MTCL2: variants seen among roughly 807,000 people sequenced by gnomAD.
MTCL2 encodes the protein microtubule crosslinking factor 2.
chr20:36,792,137 G>A, the MTCL2 span, among the ~76,000 whole-genome samples: 1 of 152,160 alleles, frequency 6.6e-6, no homozygotes, highest in African/African-American at 2.4e-5. Context: ...GAGGAGCCCC[G>A]ATTTGTAGTG....
the MTCL2 span, among the ~76,000 whole-genome samples, chr20:36,857,091 G>A: frequency 1.3e-5 from 2 of 152,154 alleles, no homozygotes; most frequent in Admixed American, 1.3e-4. Context: ...GCTTGTGCCT[G>A]GGCCAGCCTG....
the MTCL2 span, chr20:36,784,160 C>A: frequency 1.0e-6 from 1 of 985,836 alleles, no homozygotes; most frequent in Non-Finnish European, 1.2e-6. Context: ...TGGCAGAAGG[C>A]CTCTGGTGGC....
At chr20:36,802,882 TCACCTGCTGCTC>T in the MTCL2 span, 2 of 1,577,198 alleles carry the variant, frequency 1.3e-6, no homozygotes, top group Non-Finnish European at 1.7e-6. Context: ...TGCAGCTCCT[TCACCTGCTGCTC>T]CACCTGCTGC....
the MTCL2 span, chr20:36,794,219 T>C: frequency 6.5e-7 from 1 of 1,547,812 alleles, no homozygotes; most frequent in Non-Finnish European, 8.7e-7. The surrounding 1 kb of genome is among the most constrained non-coding windows in gnomAD (Gnocchi z 5.4). Context: ...GGCCGACTCT[T>C]TGGGCTTGGC....
chr20:36,805,209 G>C, the MTCL2 span, among the ~76,000 whole-genome samples: 13 of 152,126 alleles, frequency 8.5e-5, no homozygotes, highest in Non-Finnish European at 2.9e-5. Flanking sequence ...CTGTGCCGTG[G>C]GTCCTTCTCC....
At chr20:36,811,144 A>G in the MTCL2 span, among the ~76,000 whole-genome samples, 3 of 152,180 alleles carry the variant, frequency 2.0e-5, no homozygotes, top group Non-Finnish European at 4.4e-5. Flanking sequence ...CTTGAGGTAT[A>G]TCTTCTATAT....
the MTCL2 span, among the ~76,000 whole-genome samples, chr20:36,860,572 C>G: frequency 6.6e-6 from 1 of 152,152 alleles, no homozygotes; most frequent in Non-Finnish European, 1.5e-5. Flanking sequence ...ACAGAATCCA[C>G]AAGAGAACAG....
chr20:36,839,262 G>T, the MTCL2 span: 3 of 1,609,104 alleles, frequency 1.9e-6, no homozygotes, highest in Non-Finnish European at 8.5e-7. The surrounding 1 kb of genome is among the most constrained non-coding windows in gnomAD (Gnocchi z 5.1). Context: ...CGTCCACCTG[G>T]CCGGTCTGGG....
the MTCL2 span, among the ~76,000 whole-genome samples, chr20:36,789,157 C>T: frequency 6.6e-6 from 1 of 152,198 alleles, no homozygotes; most frequent in Admixed American, 6.5e-5. Context: ...GGGTAGCACG[C>T]ACATTTTACA....
At chr20:36,815,328 C>T in the MTCL2 span, 1 of 1,613,860 alleles carries the variant, frequency 6.2e-7, no homozygotes, top group Non-Finnish European at 8.5e-7. The surrounding 1 kb of genome is among the most constrained non-coding windows in gnomAD (Gnocchi z 5.3). Flanking sequence ...CTTGGTGTCC[C>T]TGGGGCCCTC....
chr20:36,826,569 G>A, the MTCL2 span, among the ~76,000 whole-genome samples: 2 of 151,332 alleles, frequency 1.3e-5, no homozygotes, highest in Non-Finnish European at 2.9e-5. Flanking sequence ...GTAGAGACGG[G>A]GTTTTGCCAT....
At chr20:36,788,057 C>T in the MTCL2 span, among the ~76,000 whole-genome samples, 26 of 150,334 alleles carry the variant, frequency 1.7e-4, no homozygotes, top group South Asian at 1.7e-3. Flanking sequence ...AAAAATTACC[C>T]GGGCATGGTG....
At chr20:36,785,615 G>A in the MTCL2 span, 1 of 985,374 alleles carries the variant, frequency 1.0e-6, no homozygotes, top group East Asian at 1.1e-4. Flanking sequence ...CAGGGTGCCA[G>A]GGAAAGAGGC....
the MTCL2 span, chr20:36,786,521 C>T: frequency 6.5e-7 from 1 of 1,550,084 alleles, no homozygotes; most frequent in Non-Finnish European, 8.7e-7. Flanking sequence ...CCTCCCCACC[C>T]CAGCTGGACT....
At chr20:36,860,982 T>C in the MTCL2 span, among the ~76,000 whole-genome samples, 1 of 152,210 alleles carries the variant, frequency 6.6e-6, no homozygotes, top group East Asian at 1.9e-4. Flanking sequence ...CAAACAGACT[T>C]TGGGTCAGAG....
the MTCL2 span, chr20:36,786,022 C>T: frequency 1.0e-6 from 1 of 986,328 alleles, no homozygotes; most frequent in Non-Finnish European, 1.2e-6. Flanking sequence ...AGCCCTAGAG[C>T]AAAGCCTGTT....
chr20:36,807,686 A>C, the MTCL2 span, among the ~76,000 whole-genome samples: 1 of 151,578 alleles, frequency 6.6e-6, no homozygotes, highest in Admixed American at 6.6e-5. Context: ...TCCTAATACC[A>C]CCTGTACTAT....
the MTCL2 span, among the ~76,000 whole-genome samples, chr20:36,792,634 G>A: frequency 6.6e-6 from 1 of 152,140 alleles, no homozygotes; most frequent in East Asian, 1.9e-4. Context: ...CTTCCCTGGA[G>A]GGGATGCTGG....
the MTCL2 span, among the ~76,000 whole-genome samples, chr20:36,795,062 C>T: frequency 6.6e-6 from 1 of 152,176 alleles, no homozygotes; most frequent in South Asian, 2.1e-4. Flanking sequence ...TCTCAGCATC[C>T]GGAGCAGATG....
Sources: gnomAD v4.1 joint callset for allele counts (sites outside exome capture counted in the v4.1 genomes callset) on GRCh38, gnomAD v4.1.1 for gene constraint, Gnocchi (gnomAD v3.1) non-coding constraint, MANE v1.5 for transcripts, NCBI Gene and HGNC (gene_info 2026-07-23, HGNC 2026-07-21) for gene names.